The following KDM2A variants were observed in gnomAD, a reference collection of about 807,000 sequenced individuals.
The protein encoded by KDM2A is lysine-specific demethylase 2A.
KDM2A carries 3 observed loss-of-function variants against 137.3 expected under a neutral mutation model. That is an observed-to-expected ratio of 0.02 (90% confidence interval 0.01 to 0.06). The LOEUF is 0.06. Ranked by LOEUF, KDM2A falls within the 10% of genes least tolerant of loss-of-function variation. The pLI, the probability that KDM2A is intolerant of heterozygous loss-of-function variation, is 1.00. For missense variants in KDM2A, 738 were observed against 1,510.6 expected, an observed-to-expected ratio of 0.49 and a Z score of 8.48; for synonymous variants, 512 against 541.5, an observed-to-expected ratio of 0.95 and a Z score of 0.76.
At chr11:67,173,512 C>T (rs1856919074) in intron 2 of KDM2A, among the ~76,000 whole-genome samples, 1 of 152,062 alleles carries the variant, frequency 6.6e-6, no homozygotes, top group African/African-American at 2.4e-5. Context: ...CTGTTTTGGC[C>T]TCCCATTGTG....
intron 2 of KDM2A, among the ~76,000 whole-genome samples, chr11:67,162,247 C>T (rs1406077516): frequency 6.6e-6 from 1 of 151,912 alleles, no homozygotes; most frequent in African/African-American, 2.4e-5. Flanking sequence ...TTCTTACATC[C>T]CAATAATACA....
chr11:67,166,448 A>G (rs1856748002), intron 2 of KDM2A, among the ~76,000 whole-genome samples: 2 of 152,124 alleles, frequency 1.3e-5, no homozygotes, highest in African/African-American at 2.4e-5. Flanking sequence ...GGCCTCCTAA[A>G]GTGTTAGGAT....
At chr11:67,237,348 G>T (rs1858900412) in intron 12 of KDM2A, among the ~76,000 whole-genome samples, 1 of 152,048 alleles carries the variant, frequency 6.6e-6, no homozygotes, top group Admixed American at 6.6e-5. Flanking sequence ...GATAATTTGG[G>T]GGTTATTCTG....
In KDM2A at chr11:67,207,496, A is replaced by G; in HGVS notation, c.308-14A>G. On this transcript the variant is annotated splice_polypyrimidine_tract_variant and intron_variant, in intron 5 of 20. Transcript: ENST00000529006. Reference sequence around the variant, plus strand: ...GTGGCTCGATAGAGATGATCGATGCATCTTTTATGGCAGGGAGTCGTCGCA... The same window carrying G: ...GTGGCTCGATAGAGATGATCGATGCGTCTTTTATGGCAGGGAGTCGTCGCA... 2 of 1,577,380 alleles carry G rather than the reference A, an allele frequency of 1.3e-6. No homozygotes were observed. The highest frequency in any genetic ancestry group is 1.7e-6 in the Non-Finnish European group (2 of 1,155,464).
At position 67,254,822 on chromosome 11, in the gene KDM2A, G is replaced by A. The variant is rs1007892220; in HGVS notation, c.3308-52G>A. 4.0e-6 allele frequency: 6 copies of A among 1,503,180 alleles called. No individual in the cohort carries two copies. The African/African-American group carries it at 8.3e-5, about 21-fold the overall frequency. The allele number at this position is 1,503,180 out of a possible 1,614,324, so 93.1% of individuals were successfully genotyped here. A position where few individuals can be genotyped will look rare whatever the true frequency, so the allele number is the denominator to read the frequency against. On this transcript the variant is annotated intron_variant, in intron 20 of 20. Transcript: ENST00000529006. The surrounding 1 kb of genome is among the most constrained non-coding windows in gnomAD (Gnocchi z 4.7). ...AGACGGCTACAGGAATTGAATGGCA[G>A]AGGAAAGCTGTGTGTATGTGAGCAC...
Position 67,181,908 on chromosome 11 carries a change from T to A in KDM2A, c.307+16T>A, listed in dbSNP as rs1857099393. 1 of 1,612,596 alleles carries A rather than the reference T, an allele frequency of 6.2e-7. No homozygotes were observed. Among genetic ancestry groups the A allele is most frequent in the African/African-American group, 1.3e-5 (1 of 74,896 alleles). ...ATGTGTGTGGGTAAGTGTCGAGCTTTTGGCCTCTGTCTTTAAGGCAAAGAT... is the reference window on the plus strand; with the variant it reads ...ATGTGTGTGGGTAAGTGTCGAGCTTATGGCCTCTGTCTTTAAGGCAAAGAT... On this transcript the variant is annotated intron_variant, in intron 5 of 20. Coordinates refer to ENST00000529006, the MANE Select transcript of KDM2A (RefSeq NM_012308.3).
At chr11:67,241,283 C>T (rs1859033835) in intron 12 of KDM2A, among the ~76,000 whole-genome samples, 1 of 152,150 alleles carries the variant, frequency 6.6e-6, no homozygotes, top group South Asian at 2.1e-4. Flanking sequence ...GCCTCTTCAC[C>T]CCCACGCTGT....
At chr11:67,128,421 GA>G (rs973033957) in intron 2 of KDM2A, among the ~76,000 whole-genome samples, 12 of 151,620 alleles carry the variant, frequency 7.9e-5, no homozygotes, top group Admixed American at 2.6e-4. Context: ...ATGTTAGCTA[GA>G]AAAAATTATA....
At chr11:67,181,043 A>C (rs1857081780) in intron 3 of KDM2A, among the ~76,000 whole-genome samples, 1 of 151,050 alleles carries the variant, frequency 6.6e-6, no homozygotes, top group African/African-American at 2.4e-5. Context: ...CACTATTAGT[A>C]GTCCTATCCC....
chr11:67,201,772 C>CAAAAAAAAAAAAAAAAAAAAAAA (rs71056184), intron 5 of KDM2A, among the ~76,000 whole-genome samples: 5 of 37,818 alleles, frequency 1.3e-4, no homozygotes, highest in African/African-American at 5.9e-4. Flanking sequence ...GACTCCATCT[C>CAAAAAAAAAAAAAAAAAAAAAAA]AAAAAAAAAA....
intron 12 of KDM2A, among the ~76,000 whole-genome samples, chr11:67,238,626 C>T (rs1858937883): frequency 6.6e-6 from 1 of 152,158 alleles, no homozygotes; most frequent in African/African-American, 2.4e-5. Flanking sequence ...TATGTAGCCC[C>T]TGGCAGCAAA....
intron 2 of KDM2A, among the ~76,000 whole-genome samples, chr11:67,174,454 A>G (rs768762187): frequency 2.4e-4 from 37 of 151,882 alleles, no homozygotes; most frequent in Non-Finnish European, 4.9e-4. Context: ...CCACTATTCT[A>G]TTTTCTGGCA....
chr11:67,198,257 C>T (rs996797631), intron 5 of KDM2A, among the ~76,000 whole-genome samples: 6 of 151,870 alleles, frequency 4.0e-5, no homozygotes, highest in Non-Finnish European at 8.8e-5. Context: ...TATCTAAGTG[C>T]TCTGGTCCAT....
chr11:67,217,490 C>T (rs565592743), intron 8 of KDM2A: 3 of 503,248 alleles, frequency 6.0e-6, no homozygotes, highest in East Asian at 7.4e-5. Context: ...CTCTCCGAGT[C>T]CTGGATGGTG....
intron 5 of KDM2A, among the ~76,000 whole-genome samples, chr11:67,183,705 T>G (rs1049468345): frequency 6.6e-6 from 1 of 152,228 alleles, no homozygotes; most frequent in Admixed American, 6.5e-5. Flanking sequence ...CCGAAAAACT[T>G]GCACACAGCT....
intron 2 of KDM2A, among the ~76,000 whole-genome samples, chr11:67,160,414 C>G (rs1011022081): frequency 6.6e-6 from 1 of 152,158 alleles, no homozygotes; most frequent in Non-Finnish European, 1.5e-5. Context: ...GAGCAGTAAC[C>G]TTAATGCCAG....
chr11:67,201,238 A>G lies in KDM2A; in HGVS notation c.308-6272A>G, dbSNP rs542001014. ...TATATATGTGTGTGTGTGTGTGTAT[A>G]TATATATATTTCATAAGGCTATAGC... On this transcript the variant is annotated intron_variant, in intron 5 of 20. Coordinates refer to ENST00000529006, the MANE Select transcript of KDM2A (RefSeq NM_012308.3). 1.0e-3 allele frequency among the ~76,000 whole-genome samples: 90 copies of G among 90,014 alleles called. 1 individual carries two copies. In the South Asian group the frequency reaches 0.024, roughly 24 times the overall value. 59.1% of individuals were successfully genotyped at this position (90,014 alleles called of 152,430 possible).
intron 6 of KDM2A, among the ~76,000 whole-genome samples, chr11:67,209,690 T>G (rs1343145439): frequency 6.6e-6 from 1 of 152,148 alleles, no homozygotes; most frequent in Non-Finnish European, 1.5e-5. Flanking sequence ...GTGATCCACC[T>G]GTCTCAGCCT....
intron 5 of KDM2A, among the ~76,000 whole-genome samples, chr11:67,192,711 C>CT (rs1192579089): frequency 2.0e-5 from 3 of 151,958 alleles, no homozygotes; most frequent in Non-Finnish European, 4.4e-5. Context: ...TCCCAAAGTG[C>CT]TAGGATTACA....
Sources: allele counts gnomAD v4.1 joint callset (sites outside exome capture counted in the v4.1 genomes callset), GRCh38; gene constraint gnomAD v4.1.1; non-coding constraint Gnocchi (gnomAD v3.1); transcripts MANE v1.5; gene names NCBI Gene and HGNC (gene_info 2026-07-23, HGNC 2026-07-21).